PID1: variants seen among roughly 807,000 people sequenced by gnomAD.
PID1 encodes the protein PTB-containing, cubilin and LRP1-interacting protein.
In PID1, 10 loss-of-function variants were observed where a neutral mutation model predicts 19.1. That is an observed-to-expected ratio of 0.52 (90% CI 0.32 to 0.89). The LOEUF (loss-of-function observed/expected upper bound fraction) is 0.89. Ranked by LOEUF, PID1 falls within the 40% of genes least tolerant of loss-of-function variation. The pLI is 0.03. For missense variants in PID1, 248 were observed against 285.3 expected (o/e 0.87, Z 0.94); for synonymous variants, 130 against 116.0 (o/e 1.12, Z -0.78).
At chr2:229,181,412 T>TA (rs1690944453) in intron 1 of PID1, among the ~76,000 whole-genome samples, 2 of 151,734 alleles carry the variant, frequency 1.3e-5, no homozygotes, top group East Asian at 1.9e-4. Flanking sequence ...GCTCAGGTCA[T>TA]AAAAAACTAT....
At chr2:229,064,879 A>G (rs1694290092) in intron 2 of PID1, among the ~76,000 whole-genome samples, 1 of 152,138 alleles carries the variant, frequency 6.6e-6, no homozygotes, top group South Asian at 2.1e-4. Context: ...AATGTAGACT[A>G]TATAAAGCCA....
intron 1 of PID1, among the ~76,000 whole-genome samples, chr2:229,255,481 T>G (rs1690269385): frequency 6.6e-6 from 1 of 152,326 alleles, no homozygotes; most frequent in East Asian, 1.9e-4. Context: ...ATTATGGATG[T>G]TTTTCAGTTT....
At chr2:229,102,178 C>T (rs1695086073) in intron 2 of PID1, among the ~76,000 whole-genome samples, 1 of 152,084 alleles carries the variant, frequency 6.6e-6, no homozygotes, top group African/African-American at 2.4e-5. Context: ...GACTTCAGTT[C>T]ACAGAGACCC....
chr2:229,231,549 T>C (rs1692205654), intron 1 of PID1, among the ~76,000 whole-genome samples: 2 of 152,102 alleles, frequency 1.3e-5, no homozygotes, highest in South Asian at 4.1e-4. Context: ...AGCCCCATTT[T>C]ACAAGTGACG....
intron 1 of PID1, among the ~76,000 whole-genome samples, chr2:229,192,350 G>C (rs1691278506): frequency 6.6e-6 from 1 of 152,130 alleles, no homozygotes; most frequent in Admixed American, 6.5e-5. Context: ...GGGACCAAAA[G>C]AAGAACCTTT....
At chr2:229,208,950 T>A (rs1292330531) in intron 1 of PID1, among the ~76,000 whole-genome samples, 2 of 151,460 alleles carry the variant, frequency 1.3e-5, no homozygotes, top group Non-Finnish European at 2.9e-5. Flanking sequence ...GGCTGGAGAG[T>A]AAGAGTGGGG....
intron 2 of PID1, among the ~76,000 whole-genome samples, chr2:229,088,298 T>A (rs1188391279): frequency 6.6e-6 from 1 of 152,122 alleles, no homozygotes; most frequent in African/African-American, 2.4e-5. Context: ...ACCGAGCAAC[T>A]ACTGTAAGCC....
At chr2:229,052,862 T>A (rs951967376) in intron 2 of PID1, among the ~76,000 whole-genome samples, 1 of 152,232 alleles carries the variant, frequency 6.6e-6, no homozygotes, top group Non-Finnish European at 1.5e-5. Flanking sequence ...GATTTTTACT[T>A]TGAGTCATTT....
chr2:229,227,523 C>T (rs1020089363), intron 1 of PID1, among the ~76,000 whole-genome samples: 1 of 152,212 alleles, frequency 6.6e-6, no homozygotes, highest in African/African-American at 2.4e-5. Flanking sequence ...CCCTTAACCT[C>T]AGCCTTCCTC....
chr2:229,109,555 G>A (rs1378188070), intron 2 of PID1, among the ~76,000 whole-genome samples: 1 of 152,186 alleles, frequency 6.6e-6, no homozygotes, highest in Non-Finnish European at 1.5e-5. Context: ...GGCCAGAGGA[G>A]ATGGATGACT....
chr2:229,045,894 T>C (rs1334745376), intron 2 of PID1, among the ~76,000 whole-genome samples: 1 of 152,204 alleles, frequency 6.6e-6, no homozygotes, highest in Non-Finnish European at 1.5e-5. Flanking sequence ...TCACTTAACA[T>C]GCTTTGATTT....
At chr2:229,076,379 T>G (rs1694557631) in intron 2 of PID1, among the ~76,000 whole-genome samples, 1 of 151,896 alleles carries the variant, frequency 6.6e-6, no homozygotes, top group Non-Finnish European at 1.5e-5. Flanking sequence ...CTTTCTTGGG[T>G]TTTTGTTTTT....
At chr2:229,154,182 C>T (rs979832005) in intron 2 of PID1, among the ~76,000 whole-genome samples, 5 of 152,124 alleles carry the variant, frequency 3.3e-5, no homozygotes, top group African/African-American at 1.2e-4. Flanking sequence ...ACATAGCTCA[C>T]TTGCCTTATT....
chr2:229,030,926 T>C (rs1201868497), intron 2 of PID1, among the ~76,000 whole-genome samples: 1 of 152,018 alleles, frequency 6.6e-6, no homozygotes, highest in Non-Finnish European at 1.5e-5. Flanking sequence ...TTCAAAGAAA[T>C]ACTGTTAATG....
chr2:229,175,713 T>C (rs1411095868), intron 1 of PID1, among the ~76,000 whole-genome samples: 1 of 152,070 alleles, frequency 6.6e-6, no homozygotes, highest in Non-Finnish European at 1.5e-5. Flanking sequence ...GAGAAGAAAA[T>C]AAGTGATTCT....
intron 1 of PID1, among the ~76,000 whole-genome samples, chr2:229,234,494 T>TTCG (rs1191148108): frequency 6.6e-6 from 1 of 152,168 alleles, no homozygotes; most frequent in African/African-American, 2.4e-5. Context: ...AAACAGCATC[T>TTCG]TCCCTAGGCC....
chr2:229,229,608 C>T (rs150875324), intron 1 of PID1, among the ~76,000 whole-genome samples: 2 of 152,138 alleles, frequency 1.3e-5, no homozygotes, highest in South Asian at 4.1e-4. Flanking sequence ...TGCACTCCAG[C>T]CTGAACAACA....
intron 1 of PID1, among the ~76,000 whole-genome samples, chr2:229,202,240 C>T (rs765333445): frequency 2.2e-4 from 33 of 151,968 alleles, no homozygotes; most frequent in East Asian, 1.9e-4. Flanking sequence ...AGGTTCTTAT[C>T]GCTACTCTGC....
chr2:229,238,175 C>T (rs1689768733), intron 1 of PID1, among the ~76,000 whole-genome samples: 1 of 152,116 alleles, frequency 6.6e-6, no homozygotes, highest in African/African-American at 2.4e-5. Context: ...GCAAATGAAT[C>T]CCTCAATTGT....
Sources: gnomAD v4.1 joint callset for allele counts (sites outside exome capture counted in the v4.1 genomes callset) on GRCh38, gnomAD v4.1.1 for gene constraint, MANE v1.5 for transcripts, NCBI Gene and HGNC (gene_info 2026-07-23, HGNC 2026-07-21) for gene names.